Variants in NUDT19 observed in about 807,000 individuals in gnomAD.
NUDT19 encodes nudix hydrolase 19, also known as acyl-coenzyme A diphosphatase NUDT19.
Under a neutral mutation model 22.2 loss-of-function variants are expected in NUDT19, and 31 were observed. The ratio of observed to expected loss-of-function variants is 1.40; its 90% CI spans 1.05 to 1.89. NUDT19 has a LOEUF of 1.89. Among genes scored for constraint, NUDT19 ranks in the 40% most tolerant of loss-of-function variants. NUDT19 has a pLI of 0.00. For synonymous variants in NUDT19, 325 were observed against 230.8 expected, an observed-to-expected ratio of 1.41 and a Z score of -3.70; for missense variants, 752 against 514.2, an observed-to-expected ratio of 1.46 and a Z score of -4.47.
chr19:32,692,726 A>AC (rs1314156330), intron 1 of NUDT19, 52 bp downstream of exon 1: 2 of 1,342,666 alleles, frequency 1.5e-6, no homozygotes, highest in Non-Finnish European at 1.9e-6. Context: ...GAGAGGGAGG[A>AC]CCCCTCCCAG....
chr19:32,698,307 C>A (rs529114264), intron 1 of NUDT19, among the ~76,000 whole-genome samples: 6 of 151,982 alleles, frequency 3.9e-5, no homozygotes, highest in African/African-American at 2.4e-5. Flanking sequence ...AAAAATGAGC[C>A]ACCTCTTTTT....
At position 32,692,740 on chromosome 19, in the gene NUDT19, C is replaced by A. The variant is rs1968213435; in HGVS notation, c.714+66C>A. On this transcript the variant is annotated intron_variant, in intron 1 of 2. Transcript: ENST00000397061. ...TGAGAGGGAGGACCCCTCCCAGCGGCCCAGGCCCCCAAGGGACCCCCGCAT... is the reference window on the plus strand; with the variant it reads ...TGAGAGGGAGGACCCCTCCCAGCGGACCAGGCCCCCAAGGGACCCCCGCAT... The A allele has an allele frequency of 3.9e-6, 5 of 1,280,196 alleles. No homozygotes were observed. The African/African-American group carries it at 4.7e-5, about 12-fold the overall frequency. 79.3% of individuals were successfully genotyped at this position (1,280,196 alleles called of 1,614,324 possible).
Position 32,691,985 on chromosome 19 carries a change from C to A in NUDT19, c.25C>A (p.Pro9Thr), listed in dbSNP as rs1050154734. 1 of 1,235,004 alleles carries A rather than the reference C, an allele frequency of 8.1e-7. No homozygotes were observed. Among genetic ancestry groups the A allele is most frequent in the Admixed American group, 4.2e-5 (1 of 23,588 alleles). The allele number at this position is 1,235,004 out of a possible 1,614,324, so 76.5% of individuals were successfully genotyped here. A position where few individuals can be genotyped will look rare whatever the true frequency, so the allele number is the denominator to read the frequency against. Residue 9 changes from proline to threonine, a missense_variant, in exon 1 of 3, where the codon CCC becomes ACC. Physicochemically the swap from Pro to Thr is conservative, Grantham distance 38 (BLOSUM62 -1). Coordinates refer to ENST00000397061, the MANE Select transcript of NUDT19 (RefSeq NM_001105570.2). MSSSLRPG[P>T]SRWRRAASIV... ...CATGAGCAGCTCCCTGCGGCCGGGCCCCAGCCGCTGGCGGCGGGCGGCCAG... is the reference window on the plus strand; with the variant it reads ...CATGAGCAGCTCCCTGCGGCCGGGCACCAGCCGCTGGCGGCGGGCGGCCAG...
intron 1 of NUDT19, among the ~76,000 whole-genome samples, chr19:32,708,183 T>C (rs1172809849): frequency 6.8e-6 from 1 of 148,114 alleles, no homozygotes; most frequent in East Asian, 2.0e-4. Flanking sequence ...ATCCCAGCAC[T>C]TTGGGAGGCC....
In NUDT19 at chr19:32,709,130, G is replaced by C. The variant is rs919734495; in HGVS notation, c.715-55G>C. On this transcript the variant is annotated intron_variant, in intron 1 of 2. Coordinates refer to ENST00000397061, the MANE Select transcript of NUDT19 (RefSeq NM_001105570.2). ...TTAGGTACTGGTCTGACTGTCTCAA[G>C]TCTCACATTGTCTATGGCATAAACC... is the stretch of plus-strand genomic sequence containing the variant. 3 of 1,209,002 alleles carry C rather than the reference G, an allele frequency of 2.5e-6. No homozygotes were observed. The African/African-American group carries it at 4.5e-5, about 18-fold the overall frequency. The allele number at this position is 1,209,002 out of a possible 1,614,324, so 74.9% of individuals were successfully genotyped here.
At chr19:32,695,665 G>C (rs566471163) in intron 1 of NUDT19, among the ~76,000 whole-genome samples, 97 of 152,026 alleles carry the variant, frequency 6.4e-4, no homozygotes, top group African/African-American at 2.3e-3. Context: ...TCCCCTTTTT[G>C]ATGGCTTCGG....
chr19:32,696,984 G>A (rs1321413787), intron 1 of NUDT19, among the ~76,000 whole-genome samples: 5 of 152,174 alleles, frequency 3.3e-5, no homozygotes, highest in Non-Finnish European at 7.3e-5. Context: ...GTCCTCTGGG[G>A]CAGTGTGTCT....
intron 1 of NUDT19, among the ~76,000 whole-genome samples, chr19:32,700,352 C>T (rs1479781763): frequency 2.0e-5 from 3 of 151,858 alleles, no homozygotes; most frequent in African/African-American, 7.3e-5. Flanking sequence ...CTGATTGGTG[C>T]GTTTTTACAG....
chr19:32,691,948 G>A lies in NUDT19; in HGVS notation c.-13G>A, dbSNP rs960190768. 2.5e-6 allele frequency: 3 copies of A among 1,217,306 alleles called. No homozygotes were observed. Among genetic ancestry groups the A allele is most frequent in the African/African-American group, 1.6e-5 (1 of 63,586 alleles). 75.4% of individuals were successfully genotyped at this position (1,217,306 alleles called of 1,614,324 possible). The stretch of plus-strand genomic sequence containing the variant: ...CAGGCCGCGCCAGAATCGGATCCGG[G>A]AAGCTGCGCGCCATGAGCAGCTCCC... On this transcript the variant is annotated 5_prime_UTR_variant, in exon 1 of 3. Coordinates refer to ENST00000397061, the MANE Select transcript of NUDT19 (RefSeq NM_001105570.2).
intron 1 of NUDT19, among the ~76,000 whole-genome samples, chr19:32,708,426 C>CAAAA (rs564998068): frequency 2.2e-5 from 2 of 91,216 alleles, no homozygotes; most frequent in Non-Finnish European, 4.7e-5. Context: ...GACTCCGTCT[C>CAAAA]AAAAAAAAAA....
rs750634623 is a variant in NUDT19 at position 32,692,238 on chromosome 19, C to A, written c.278C>A (p.Pro93Gln). ...GGGCCGCCGCGCTTCGGCCTGGGCC[C>A]GGCGCCATTCAGCCGCACCGCTTTC... is the stretch of plus-strand genomic sequence containing the variant. ...HHGPPRFGLG[P>Q]APFSRTAFPS... Residue 93 changes from proline (P) to glutamine (Q), a missense_variant, in exon 1 of 3, where the codon CCG (proline) becomes CAG (glutamine). Pro to Gln is a moderately conservative substitution (Grantham distance 76). Coordinates refer to ENST00000397061, the MANE Select transcript of NUDT19 (RefSeq NM_001105570.2). 5 of 1,589,972 alleles carry A rather than the reference C, an allele frequency of 3.1e-6. No individual in the cohort carries two copies. Among genetic ancestry groups the A allele is most frequent in the Middle Eastern group, 1.7e-4 (1 of 6,044 alleles).
Position 32,709,367 on chromosome 19 carries a change from T to A in NUDT19, c.897T>A (p.Ala299=). ...ERWLPIILLT[A]DGMVHLLPGD... The stretch of plus-strand genomic sequence containing the variant: ...GGCTGCCGATCATCTTGTTAACTGC[T>A]GATGGGATGGTCCATCTTTTACCAG... The change falls in exon 2 of 3, where the codon GCT becomes GCA. Residue 299 remains alanine, a synonymous_variant. Coordinates refer to ENST00000397061, the MANE Select transcript of NUDT19 (RefSeq NM_001105570.2). The A allele has an allele frequency of 4.3e-6, 7 of 1,614,172 alleles. No individual in the cohort carries two copies. The highest frequency in any genetic ancestry group is 5.9e-6 in the Non-Finnish European group (7 of 1,179,988).
chr19:32,701,406 G>T (rs1343566051), intron 1 of NUDT19, among the ~76,000 whole-genome samples: 2 of 151,730 alleles, frequency 1.3e-5, no homozygotes, highest in African/African-American at 4.8e-5. Flanking sequence ...GGTTTCACTG[G>T]GTTGGTCAGG....
chr19:32,703,648 CTTTTTTTTTT>C (rs60766132), intron 1 of NUDT19, among the ~76,000 whole-genome samples: 2 of 68,344 alleles, frequency 2.9e-5, no homozygotes, highest in African/African-American at 1.1e-4. Flanking sequence ...TGTGCCCAGC[CTTTTTTTTTT>C]TTTTTTTTTT....
intron 1 of NUDT19, among the ~76,000 whole-genome samples, chr19:32,694,838 C>A (rs962751330): frequency 7.2e-5 from 11 of 152,220 alleles, no homozygotes; most frequent in Non-Finnish European, 1.3e-4. Flanking sequence ...ACAGCTTGCA[C>A]ATTTGAGCAG....
intron 1 of NUDT19, among the ~76,000 whole-genome samples, chr19:32,704,189 C>T (rs1422990408): frequency 1.3e-5 from 2 of 151,834 alleles, no homozygotes; most frequent in Non-Finnish European, 2.9e-5. Flanking sequence ...TCCTTATGTA[C>T]CTAAAAATAT....
Position 32,711,791 on chromosome 19 carries a change from A to G in NUDT19, c.962A>G (p.Asn321Ser), listed in dbSNP as rs750687981. 5 of 1,613,706 alleles carry G rather than the reference A, an allele frequency of 3.1e-6. No homozygotes were observed. The South Asian group carries it at 5.5e-5, about 18-fold the overall frequency. The change falls in exon 3 of 3, where the codon AAT (asparagine) becomes AGT (serine). Residue 321 changes from asparagine to serine, a missense_variant. Transcript: ENST00000397061. ...LYLEDSDFLE[N>S]LMSTEKKTEE... ...TTAGAAGATTCAGACTTTTTGGAAA[A>G]TCTTATGTCTACTGAAAAAAAGACT...
intron 2 of NUDT19, 98 bp downstream of exon 2, chr19:32,709,490 TG>T: frequency 2.1e-6 from 2 of 950,572 alleles, no homozygotes; most frequent in Non-Finnish European, 3.4e-6. Flanking sequence ...AATTACAGTC[TG>T]TGTTTTGTAA....
In NUDT19 at chr19:32,709,407, C is replaced by T; in HGVS notation, c.922+15C>T. 1 of 1,608,580 alleles carries T rather than the reference C, an allele frequency of 6.2e-7. No homozygotes were observed. The highest frequency in any genetic ancestry group is 8.5e-7 in the Non-Finnish European group (1 of 1,175,046). The stretch of plus-strand genomic sequence containing the variant: ...TCTTTTACCAGGTAAACCAGTGAAG[C>T]ATCGGTGCTTTTGTTAGTATTCACA... On this transcript the variant is annotated intron_variant, in intron 2 of 2. Coordinates refer to ENST00000397061, the MANE Select transcript of NUDT19 (RefSeq NM_001105570.2).
Sources: allele counts gnomAD v4.1 joint callset (sites outside exome capture counted in the v4.1 genomes callset), GRCh38; gene constraint gnomAD v4.1.1; transcripts MANE v1.5; gene names NCBI Gene and HGNC (gene_info 2026-07-23, HGNC 2026-07-21).